The following SPATA13 variants were observed in gnomAD, a reference collection of about 807,000 sequenced individuals.
SPATA13 encodes spermatogenesis associated 13.
In SPATA13, 50 loss-of-function variants were observed where a neutral mutation model predicts 104.0. The ratio of observed to expected loss-of-function variants is 0.48; its 90% confidence interval spans 0.38 to 0.61. The LOEUF (loss-of-function observed/expected upper bound fraction) is 0.61. Ranked by LOEUF, SPATA13 falls within the 20% of genes least tolerant of loss-of-function variation. The pLI is 0.00. For missense variants in SPATA13, 1,524 were observed against 1,690.6 expected, an observed-to-expected ratio of 0.90 and a Z score of 1.73; for synonymous variants, 606 against 667.5, an observed-to-expected ratio of 0.91 and a Z score of 1.42.
chr13:24,162,783 G>A (rs909675790), intron 1 of SPATA13, among the ~76,000 whole-genome samples: 26 of 152,164 alleles, frequency 1.7e-4, no homozygotes, highest in African/African-American at 4.3e-4. Context: ...GGAGGTAACC[G>A]GCATGGCTTC....
chr13:24,028,214 C>T (rs1877323369), intron 3 of SPATA13, among the ~76,000 whole-genome samples: 1 of 152,144 alleles, frequency 6.6e-6, no homozygotes. Flanking sequence ...ACATACTTAC[C>T]ATTTTCTTTG....
chr13:24,012,369 C>T (rs905035039), intron 2 of SPATA13, among the ~76,000 whole-genome samples: 1 of 152,236 alleles, frequency 6.6e-6, no homozygotes, highest in African/African-American at 2.4e-5. Flanking sequence ...GGCAGGGGGA[C>T]ATCACCAGCA....
Position 24,223,095 on chromosome 13 carries a change from C to T in SPATA13, c.166C>T (p.Pro56Ser). The T allele has an allele frequency of 6.4e-7, 1 of 1,551,740 alleles. No homozygotes were observed. Among genetic ancestry groups the T allele is most frequent in the South Asian group, 1.2e-5 (1 of 84,070 alleles). ...ACGNGVCGCS[P>S]GGDTDTQEAK... Reference sequence around the variant, plus strand: ...TGGAAATGGAGTCTGTGGCTGCAGCCCTGGTGGCGACACGGACACCCAGGA... The same window carrying T: ...TGGAAATGGAGTCTGTGGCTGCAGCTCTGGTGGCGACACGGACACCCAGGA... The change falls in exon 2 of 13, where the codon CCT becomes TCT. Residue 56 changes from proline (P) to serine (S), a missense_variant. By Grantham distance (74) the Pro-to-Ser change is moderately conservative. Coordinates refer to ENST00000382108, the MANE Select transcript of SPATA13 (RefSeq NM_001166271.3).
upstream of SPATA13, among the ~76,000 whole-genome samples, chr13:24,157,635 AG>A (rs1450604902): frequency 6.6e-6 from 1 of 152,142 alleles, no homozygotes; most frequent in African/African-American, 2.4e-5. Flanking sequence ...GTGGGGCGGA[AG>A]CCATACGGGT....
At chr13:24,293,693 G>A (rs1281229722) in intron 9 of SPATA13, among the ~76,000 whole-genome samples, 1 of 152,184 alleles carries the variant, frequency 6.6e-6, no homozygotes, top group Non-Finnish European at 1.5e-5. Context: ...CTCTTTGGGG[G>A]CTCTGTGCCC....
intron 4 of SPATA13, among the ~76,000 whole-genome samples, chr13:24,269,842 G>C (rs1195028464): frequency 2.1e-5 from 3 of 145,170 alleles, no homozygotes; most frequent in Admixed American, 7.2e-5. Flanking sequence ...TCCCACCTTG[G>C]CCTCCCAAAG....
At chr13:24,038,195 G>A (rs1175703485) in intron 3 of SPATA13, among the ~76,000 whole-genome samples, 1 of 152,210 alleles carries the variant, frequency 6.6e-6, no homozygotes, top group African/African-American at 2.4e-5. Flanking sequence ...TTACAGGCAT[G>A]AGCCACCGCG....
chr13:24,001,694 C>G (rs115711176), intron 2 of SPATA13, among the ~76,000 whole-genome samples: 3,939 of 151,720 alleles, frequency 0.026, 161 homozygotes, highest in African/African-American at 0.09. Context: ...TGGATACTGG[C>G]AGGGATGTTC....
chr13:23,979,983 C>A (rs147045491), intron 1 of SPATA13: 79 of 152,364 alleles, frequency 5.2e-4, no homozygotes, highest in African/African-American at 1.8e-3. Context: ...AAGGTAGAGC[C>A]AAGCAGCATT....
chr13:23,983,888 G>A (rs1268771018), exon 2 of SPATA13: 6 of 985,440 alleles, frequency 6.1e-6, no homozygotes, highest in East Asian at 2.3e-4. Flanking sequence ...TGGCAACACC[G>A]TGCAGATGGC....
intron 2 of SPATA13, among the ~76,000 whole-genome samples, chr13:23,989,848 C>G (rs1186346576): frequency 6.6e-6 from 1 of 152,110 alleles, no homozygotes; most frequent in Non-Finnish European, 1.5e-5. Context: ...AAAAGAGGCC[C>G]CAGAGAGCTG....
At chr13:24,264,774 G>T (rs1304215347) in intron 4 of SPATA13, among the ~76,000 whole-genome samples, 1 of 152,212 alleles carries the variant, frequency 6.6e-6, no homozygotes, top group Non-Finnish European at 1.5e-5. Context: ...CCTGAAGGAT[G>T]AAAAATCCAC....
intron 2 of SPATA13, among the ~76,000 whole-genome samples, chr13:24,244,014 T>G (rs1872984066): frequency 6.6e-6 from 1 of 152,152 alleles, no homozygotes; most frequent in Non-Finnish European, 1.5e-5. Context: ...GCCAGAAGTT[T>G]GAGATCAAAG....
At chr13:24,104,060 T>A (rs1490081337) in intron 3 of SPATA13, among the ~76,000 whole-genome samples, 3 of 152,204 alleles carry the variant, frequency 2.0e-5, no homozygotes, top group Non-Finnish European at 4.4e-5. Flanking sequence ...GTTGTGATTT[T>A]AATGATTTTA....
chr13:24,042,612 C>T (rs978570683), intron 3 of SPATA13, among the ~76,000 whole-genome samples: 6 of 152,230 alleles, frequency 3.9e-5, no homozygotes, highest in East Asian at 3.8e-4. Flanking sequence ...GGCTCATGGG[C>T]GGTCAGCTGG....
intron 8 of SPATA13, 26 bp from the exon 9 acceptor site, chr13:24,290,626 G>A: frequency 6.3e-7 from 1 of 1,593,990 alleles, no homozygotes; most frequent in Non-Finnish European, 8.6e-7. Context: ...CCCAGAAGCT[G>A]ACGAAGCTGT....
intron 1 of SPATA13, among the ~76,000 whole-genome samples, chr13:24,180,093 G>A (rs1868702601): frequency 6.6e-6 from 1 of 152,140 alleles, no homozygotes; most frequent in South Asian, 2.1e-4. Context: ...ATCCAAGGCC[G>A]TGAAGATTTT....
chr13:24,196,528 A>G (rs927885064), intron 1 of SPATA13, among the ~76,000 whole-genome samples: 2 of 152,154 alleles, frequency 1.3e-5, no homozygotes, highest in Admixed American at 6.5e-5. Context: ...TGAGCCCAGG[A>G]GTTTGAGACC....
chr13:24,097,940 A>G (rs529508605), intron 3 of SPATA13, among the ~76,000 whole-genome samples: 9 of 152,328 alleles, frequency 5.9e-5, no homozygotes, highest in Middle Eastern at 6.8e-3. Flanking sequence ...TTTCAGAATA[A>G]GCCACTGTGG....
Sources: allele counts gnomAD v4.1 joint callset (sites outside exome capture counted in the v4.1 genomes callset), GRCh38; gene constraint gnomAD v4.1.1; transcripts MANE v1.5; gene names NCBI Gene and HGNC (gene_info 2026-07-23, HGNC 2026-07-21).